Variants in FCHSD2 observed in about 807,000 individuals in gnomAD.
FCHSD2 encodes the protein F-BAR and double SH3 domains protein 2.
FCHSD2 carries 38 observed loss-of-function variants against 108.1 expected under a neutral mutation model. The observed-to-expected ratio is 0.35, with a 90% CI of 0.27 to 0.46. The LOEUF (loss-of-function observed/expected upper bound fraction) is 0.46. FCHSD2 is among the 20% of genes least tolerant of loss of function. FCHSD2 has a pLI of 1.00. For missense variants in FCHSD2, 751 were observed against 897.8 expected (o/e 0.84, Z 2.09); for synonymous variants, 279 against 314.7 (o/e 0.89, Z 1.20).
At chr11:72,983,765 T>C (rs1857260311) in intron 8 of FCHSD2, 1 of 462,130 alleles carries the variant, frequency 2.2e-6, no homozygotes, top group Non-Finnish European at 4.2e-6. Context: ...TCAGAAGTAG[T>C]TTCCCAGTTT....
chr11:72,886,369 A>C (rs1855199160), intron 12 of FCHSD2, among the ~76,000 whole-genome samples: 1 of 152,138 alleles, frequency 6.6e-6, no homozygotes, highest in African/African-American at 2.4e-5. Context: ...CTTTTCTCTG[A>C]CTAATCAAAT....
Position 72,841,504 on chromosome 11 carries a change from C to A in FCHSD2, c.2006G>T (p.Ser669Ile). The change falls in exon 18 of 20, where the codon AGC becomes ATC. Residue 669 changes from serine to isoleucine, a missense_variant. Coordinates refer to ENST00000409418, the MANE Select transcript of FCHSD2 (RefSeq NM_014824.3). ...GTACAGGGAGCTCCTCTTATCTGGG[C>A]TGGGGTAGGGGCTGCTGGGAGGCTG... ...YDQPPSSPYP[S>I]PDKRSSLYFP... 6.2e-7 allele frequency: 1 copy of A among 1,611,134 alleles called. No homozygotes were observed. Among genetic ancestry groups the A allele is most frequent in the Non-Finnish European group, 8.5e-7 (1 of 1,178,790 alleles).
chr11:73,053,900 T>C (rs963687378), intron 3 of FCHSD2, among the ~76,000 whole-genome samples: 1 of 152,174 alleles, frequency 6.6e-6, no homozygotes, highest in Non-Finnish European at 1.5e-5. Context: ...ATGTAACTTG[T>C]TGTCTGTAAT....
chr11:73,093,138 A>G (rs1859995692), intron 2 of FCHSD2, among the ~76,000 whole-genome samples: 1 of 152,064 alleles, frequency 6.6e-6, no homozygotes. Context: ...AATTGGCAAG[A>G]CTCTGTGCAT....
chr11:73,034,476 C>T (rs923318227), intron 3 of FCHSD2, among the ~76,000 whole-genome samples: 5 of 152,208 alleles, frequency 3.3e-5, no homozygotes, highest in Non-Finnish European at 7.3e-5. Context: ...GAAACTGTTA[C>T]TAATGTTAAA....
chr11:73,119,292 G>C (rs1860677143), intron 2 of FCHSD2, among the ~76,000 whole-genome samples: 1 of 147,472 alleles, frequency 6.8e-6, no homozygotes, highest in Non-Finnish European at 1.5e-5. Flanking sequence ...AACAGAGCGA[G>C]ACTCTGCCTC....
intron 8 of FCHSD2, among the ~76,000 whole-genome samples, chr11:72,930,262 T>C (rs141799406): frequency 1.6e-4 from 25 of 152,272 alleles, no homozygotes; most frequent in African/African-American, 5.8e-4. Flanking sequence ...AAACAATCTG[T>C]TGTGACTCTA....
intron 6 of FCHSD2, among the ~76,000 whole-genome samples, chr11:72,987,231 CTCCT>C (rs1392302986): frequency 6.6e-6 from 1 of 152,182 alleles, no homozygotes; most frequent in Non-Finnish European, 1.5e-5. Context: ...CCTGATCTTC[CTCCT>C]TATCTCTACT....
intron 4 of FCHSD2, among the ~76,000 whole-genome samples, chr11:73,008,466 A>G (rs1312040201): frequency 2.6e-5 from 4 of 152,228 alleles, no homozygotes; most frequent in African/African-American, 9.6e-5. Context: ...AAGGGAGAAT[A>G]TCCTAAGCCT....
At chr11:73,011,773 C>G (rs559658569) in intron 4 of FCHSD2, among the ~76,000 whole-genome samples, 1 of 152,294 alleles carries the variant, frequency 6.6e-6, no homozygotes, top group South Asian at 2.1e-4. Context: ...TCTCTTGGCT[C>G]CTGACTAATC....
At chr11:73,107,034 G>T (rs560276943) in intron 2 of FCHSD2, among the ~76,000 whole-genome samples, 77 of 149,236 alleles carry the variant, frequency 5.2e-4, no homozygotes, top group Admixed American at 9.2e-4. Flanking sequence ...TGTTAGAAAA[G>T]CTATATATAT....
chr11:72,992,276 T>C (rs995517894), intron 5 of FCHSD2, among the ~76,000 whole-genome samples: 2 of 152,202 alleles, frequency 1.3e-5, no homozygotes, highest in African/African-American at 4.8e-5. Context: ...TACAAACGAA[T>C]GGAAGAACAT....
chr11:73,049,261 T>C (rs1217434068), intron 3 of FCHSD2, among the ~76,000 whole-genome samples: 3 of 152,238 alleles, frequency 2.0e-5, no homozygotes, highest in East Asian at 3.9e-4. Context: ...ATGAAGTACA[T>C]AGTAAAACTT....
chr11:72,977,097 G>C lies in FCHSD2; in HGVS notation c.705+6991C>G, dbSNP rs549124526. Reference sequence around the variant, plus strand: ...CCACCACCACACCTGGCTAATTTTTGTATTTTTAGTAGAGACAGCATTTCA... The same window carrying C: ...CCACCACCACACCTGGCTAATTTTTCTATTTTTAGTAGAGACAGCATTTCA... On this transcript the variant is annotated intron_variant, in intron 8 of 19. Transcript: ENST00000409418. 1.2e-3 allele frequency among the ~76,000 whole-genome samples: 179 copies of C among 152,060 alleles called. 1 individual carries two copies. The highest frequency in any genetic ancestry group is 4.1e-3 in the African/African-American group (172 of 41,468).
At chr11:73,097,564 G>A (rs1860117695) in intron 2 of FCHSD2, among the ~76,000 whole-genome samples, 1 of 148,398 alleles carries the variant, frequency 6.7e-6, no homozygotes, top group African/African-American at 2.5e-5. Context: ...TAACTGTTTG[G>A]TAGAATTCAC....
chr11:72,904,586 T>C (rs911256464), intron 9 of FCHSD2, among the ~76,000 whole-genome samples: 10 of 152,218 alleles, frequency 6.6e-5, no homozygotes, highest in African/African-American at 2.4e-4. Flanking sequence ...TTTATAAATA[T>C]TTCAGTATGA....
intron 2 of FCHSD2, among the ~76,000 whole-genome samples, chr11:73,095,245 T>A (rs1860047781): frequency 2.0e-5 from 3 of 152,204 alleles, no homozygotes; most frequent in Admixed American, 2.0e-4. Context: ...ATAGGTATTA[T>A]GAGGATTAAT....
rs138797316 is a variant in FCHSD2 at position 72,852,793 on chromosome 11, A to G, written c.1309-2904T>C. Among the ~76,000 whole-genome samples, 7 of 152,366 alleles carry G rather than the reference A, an allele frequency of 4.6e-5. No homozygotes were observed. The East Asian group carries it at 1.3e-3, about 29-fold the overall frequency. ...AATAAAGAAAATGTGGTACATATAT[A>G]CCATGAAATACTAGGCAGCCACAAA... On this transcript the variant is annotated intron_variant, in intron 13 of 19. Transcript: ENST00000409418.
chr11:73,062,240 A>C (rs1859184822), intron 3 of FCHSD2, among the ~76,000 whole-genome samples: 1 of 152,134 alleles, frequency 6.6e-6, no homozygotes, highest in African/African-American at 2.4e-5. Context: ...AAAACTAACA[A>C]ACAGAAAGGA....
Sources: allele counts gnomAD v4.1 joint callset (sites outside exome capture counted in the v4.1 genomes callset), GRCh38; gene constraint gnomAD v4.1.1; transcripts MANE v1.5; gene names NCBI Gene and HGNC (gene_info 2026-07-23, HGNC 2026-07-21).